The following LRRIQ1 variants were observed in gnomAD, a reference collection of about 807,000 sequenced individuals.
LRRIQ1 encodes leucine rich repeats and IQ motif containing 1.
LRRIQ1 carries 210 observed loss-of-function variants against 211.9 expected under a neutral mutation model. The ratio of observed to expected loss-of-function variants is 0.99; its 90% CI spans 0.89 to 1.11. LRRIQ1 has a LOEUF of 1.11. Among genes scored for constraint, LRRIQ1 ranks in the 50% most tolerant of loss-of-function variants. LRRIQ1 has a pLI of 0.00. For synonymous variants in LRRIQ1, 699 were observed against 650.1 expected, an observed-to-expected ratio of 1.08 and a Z score of -1.14; for missense variants, 2,136 against 1,939.5, an observed-to-expected ratio of 1.10 and a Z score of -1.90.
At chr12:85,161,944 CAGG>C (rs2136738987) in intron 24 of LRRIQ1, among the ~76,000 whole-genome samples, 2 of 151,926 alleles carry the variant, frequency 1.3e-5, no homozygotes, top group East Asian at 3.9e-4. Context: ...GAGGCTGAGG[CAGG>C]AGAATGGCGT....
At chr12:85,253,051 G>C (rs557579771) in intron 1 of LRRIQ1, among the ~76,000 whole-genome samples, 124 of 152,016 alleles carry the variant, frequency 8.2e-4, no homozygotes, top group African/African-American at 2.8e-3. Context: ...ATTTCAAAAA[G>C]AAAACAATGT....
At chr12:85,110,605 T>C (rs758137386) in intron 15 of LRRIQ1, among the ~76,000 whole-genome samples, 8 of 152,138 alleles carry the variant, frequency 5.3e-5, no homozygotes, top group Non-Finnish European at 8.8e-5. Context: ...AGGCAACATA[T>C]AAGCTTTAAA....
chr12:85,085,595 C>CT (rs1884735979), intron 11 of LRRIQ1, among the ~76,000 whole-genome samples: 1 of 152,208 alleles, frequency 6.6e-6, no homozygotes. Context: ...GCTTCACTCT[C>CT]TCCCCTCTGG....
chr12:85,267,398 C>A (rs180766524), downstream of LRRIQ1, among the ~76,000 whole-genome samples: 3 of 151,798 alleles, frequency 2.0e-5, no homozygotes, highest in East Asian at 5.8e-4. Context: ...AATTACATGT[C>A]TTAAAGAAAC....
At chr12:85,267,899 C>T (rs1227499811), downstream of LRRIQ1, among the ~76,000 whole-genome samples, 1 of 151,922 alleles carries the variant, frequency 6.6e-6, no homozygotes, top group Non-Finnish European at 1.5e-5. Context: ...CTCTCTGAGC[C>T]TGTTTCCTTA....
At chr12:85,230,007 TA>T (rs1489429745) in intron 25 of LRRIQ1, among the ~76,000 whole-genome samples, 1 of 152,210 alleles carries the variant, frequency 6.6e-6, no homozygotes, top group Non-Finnish European at 1.5e-5. Context: ...GTTTGACAGT[TA>T]AAATTATAAT....
chr12:85,107,532 T>G (rs1886868213), intron 15 of LRRIQ1, among the ~76,000 whole-genome samples: 1 of 152,154 alleles, frequency 6.6e-6, no homozygotes, highest in Admixed American at 6.5e-5. Context: ...TTTAGTTTAC[T>G]TGGGATTTAT....
chr12:85,229,005 C>T (rs1894804019), intron 24 of LRRIQ1, among the ~76,000 whole-genome samples: 1 of 152,100 alleles, frequency 6.6e-6, no homozygotes, highest in Admixed American at 6.6e-5. Context: ...TTTAAAACAA[C>T]TAGTCTTCAG....
intron 26 of LRRIQ1, among the ~76,000 whole-genome samples, chr12:85,242,497 G>A (rs1895510542): frequency 6.6e-6 from 1 of 151,846 alleles, no homozygotes; most frequent in Non-Finnish European, 1.5e-5. Context: ...TAAGGGACAT[G>A]AGCATCCATG....
At chr12:85,161,727 G>A (rs1890888197) in intron 24 of LRRIQ1, among the ~76,000 whole-genome samples, 1 of 152,150 alleles carries the variant, frequency 6.6e-6, no homozygotes, top group African/African-American at 2.4e-5. Flanking sequence ...AAGTCATGGA[G>A]TCTAGAATTT....
rs764078249 is a variant in LRRIQ1 at position 85,065,243 on chromosome 12, A to G, written c.2392-19A>G. ...TTGTTAAATAACACTACACACTCCA[A>G]TTTTCTTGGTTCCTCTAGGTTACAA... On this transcript the variant is annotated intron_variant, in intron 8 of 26. Transcript: ENST00000393217. 2 of 1,594,336 alleles carry G rather than the reference A, an allele frequency of 1.3e-6. No homozygotes were observed. The highest frequency in any genetic ancestry group is 1.7e-6 in the Non-Finnish European group (2 of 1,170,364).
Position 85,040,231 on chromosome 12 carries a change from A to G in LRRIQ1, c.133-259A>G, listed in dbSNP as rs145375434. Among the ~76,000 whole-genome samples, 661 of 151,772 alleles carry G rather than the reference A, an allele frequency of 4.4e-3. 6 individuals carry two copies. Among genetic ancestry groups the G allele is most frequent in the Non-Finnish European group, 6.8e-3 (458 of 67,596 alleles). On this transcript the variant is annotated intron_variant, in intron 2 of 26. Transcript: ENST00000393217. ...GGCATTCAAAAATAAACAGCCTGTAATAAAGTTAACGAAAGTGATGTGTAG... is the reference window on the plus strand; with the variant it reads ...GGCATTCAAAAATAAACAGCCTGTAGTAAAGTTAACGAAAGTGATGTGTAG...
chr12:85,260,774 G>A (rs1055861924), intron 1 of LRRIQ1, among the ~76,000 whole-genome samples: 1 of 152,114 alleles, frequency 6.6e-6, no homozygotes, highest in African/African-American at 2.4e-5. Context: ...ATGGACCAAA[G>A]TAGACATTCC....
At chr12:85,082,187 A>T (rs1374126476) in intron 11 of LRRIQ1, among the ~76,000 whole-genome samples, 1 of 152,054 alleles carries the variant, frequency 6.6e-6, no homozygotes, top group East Asian at 1.9e-4. Context: ...TTCTAGGTCG[A>T]AGTTTATTTC....
intron 8 of LRRIQ1, among the ~76,000 whole-genome samples, chr12:85,057,836 G>C (rs189893251): frequency 2.6e-5 from 4 of 152,102 alleles, no homozygotes; most frequent in African/African-American, 9.6e-5. Flanking sequence ...ATTTTAAACA[G>C]TGTAACACTA....
intron 8 of LRRIQ1, among the ~76,000 whole-genome samples, chr12:85,059,389 A>G (rs1176113935): frequency 6.6e-6 from 1 of 152,036 alleles, no homozygotes; most frequent in Non-Finnish European, 1.5e-5. Flanking sequence ...ATAGCTTACA[A>G]CTGGGCAAAA....
chr12:85,210,443 T>C (rs1893785810), intron 24 of LRRIQ1, among the ~76,000 whole-genome samples: 1 of 152,220 alleles, frequency 6.6e-6, no homozygotes, highest in Non-Finnish European at 1.5e-5. Flanking sequence ...TTTGTTGGAC[T>C]TGTTTTTCCA....
intron 15 of LRRIQ1, 106 bp downstream of exon 15, chr12:85,106,721 A>C: frequency 1.4e-6 from 1 of 733,610 alleles, no homozygotes; most frequent in Non-Finnish European, 2.2e-6. Flanking sequence ...TAAGTTAATT[A>C]AAAAATTAAA....
chr12:85,244,860 GAACAGAGAAAAAAA>G lies in LRRIQ1; in HGVS notation c.5091_5104del (p.Asn1697LysfsTer13), dbSNP rs1895645565. Reference sequence around the variant, plus strand: ...TGACCAATGGAAGTGCTTTGTCTGTGAACAGAGAAAAAAAAAATCAGGCACACAGACACTCAGCA... The same window carrying G: ...TGACCAATGGAAGTGCTTTGTCTGTGAAATCAGGCACACAGACACTCAGCA... On this transcript the variant is annotated frameshift_variant, in exon 27 of 27. Coordinates refer to ENST00000393217, the MANE Select transcript of LRRIQ1 (RefSeq NM_001079910.2). LOFTEE classifies it high-confidence loss of function. 1.9e-6 allele frequency: 3 copies of G among 1,601,558 alleles called. No homozygotes were observed. Among genetic ancestry groups the G allele is most frequent in the Admixed American group, 1.7e-5 (1 of 58,422 alleles).
Sources: allele counts gnomAD v4.1 joint callset (sites outside exome capture counted in the v4.1 genomes callset), GRCh38; gene constraint gnomAD v4.1.1; transcripts MANE v1.5; gene names NCBI Gene and HGNC (gene_info 2026-07-23, HGNC 2026-07-21).